The following CADM2 variants were observed in gnomAD, a reference collection of about 807,000 sequenced individuals.
The protein encoded by CADM2 is cell adhesion molecule 2.
A neutral mutation model predicts 49.8 loss-of-function variants in CADM2; 12 were observed. The observed-to-expected ratio is 0.24, with a 90% CI of 0.15 to 0.39. CADM2 has a LOEUF of 0.39. Among genes scored for constraint, CADM2 ranks in the 10% least tolerant of loss-of-function variants. CADM2 has a pLI of 1.00. For missense variants in CADM2, 378 were observed against 492.3 expected (o/e 0.77, Z 2.20); for synonymous variants, 214 against 175.4 (o/e 1.22, Z -1.74).
chr3:85,804,913 C>A (rs994075424), intron 3 of CADM2, among the ~76,000 whole-genome samples: 2 of 152,106 alleles, frequency 1.3e-5, no homozygotes, highest in Non-Finnish European at 2.9e-5. Context: ...AATAAATACA[C>A]CAGTTCTATG....
At chr3:85,316,403 C>T (rs551837460) in intron 1 of CADM2, among the ~76,000 whole-genome samples, 16 of 152,136 alleles carry the variant, frequency 1.1e-4, no homozygotes, top group East Asian at 7.7e-4. Flanking sequence ...GCTTAGTATG[C>T]GGCTGAAATG....
rs1242988084 is a variant in CADM2 at position 85,133,326 on chromosome 3, A to G, written c.61+173658A>G. ...CACATCCTGCTGATTGGTAGAGCCCAGTGGTCTGTTTTGACAGGGCACTGA... is the reference window on the plus strand; with the variant it reads ...CACATCCTGCTGATTGGTAGAGCCCGGTGGTCTGTTTTGACAGGGCACTGA... On this transcript the variant is annotated intron_variant, in intron 1 of 9. Coordinates refer to ENST00000383699, the MANE Select transcript of CADM2 (RefSeq NM_001167675.2). Among the ~76,000 whole-genome samples the G allele has an allele frequency of 2.6e-5, 4 of 152,200 alleles. 1 individual carries two copies. Among genetic ancestry groups the G allele is most frequent in the Non-Finnish European group, 5.9e-5 (4 of 68,032 alleles).
intron 1 of CADM2, among the ~76,000 whole-genome samples, chr3:85,598,040 A>AT: frequency 6.6e-6 from 1 of 152,026 alleles, no homozygotes; most frequent in East Asian, 1.9e-4. Context: ...TTTAGATTAC[A>AT]TCCTAAATCT....
chr3:85,559,680 AC>A (rs201177493), intron 1 of CADM2, among the ~76,000 whole-genome samples: 24,552 of 99,736 alleles, frequency 0.25, 2,156 homozygotes, highest in East Asian at 0.49. Context: ...ACACACACAC[AC>A]ACACACATAT....
chr3:85,879,671 A>T, intron 3 of CADM2, among the ~76,000 whole-genome samples: 1 of 151,996 alleles, frequency 6.6e-6, no homozygotes, highest in East Asian at 1.9e-4. Context: ...TTTTTAATCA[A>T]TTTTTTTGTA....
chr3:85,394,961 C>A (rs1167742708), intron 1 of CADM2, among the ~76,000 whole-genome samples: 1 of 152,142 alleles, frequency 6.6e-6, no homozygotes, highest in African/African-American at 2.4e-5. Context: ...CCATAGTTTT[C>A]TCCTAAAATA....
intron 3 of CADM2, among the ~76,000 whole-genome samples, chr3:85,810,750 C>T (rs978997848): frequency 4.0e-5 from 6 of 151,858 alleles, no homozygotes; most frequent in South Asian, 2.1e-4. Context: ...ATGTTGACCA[C>T]GCTGGTCTCG....
In CADM2 at chr3:85,346,023, A is replaced by C. The variant is rs535528427; in HGVS notation, c.62-380499A>C. 2.6e-5 allele frequency among the ~76,000 whole-genome samples: 4 copies of C among 152,304 alleles called. No individual in the cohort carries two copies. In the South Asian group the frequency reaches 8.3e-4, roughly 32 times the overall value. ...GGAATCTGAATTAAGAGCATATAAG[A>C]GTTTTTTCTACTGGTCTTACAACTT... On this transcript the variant is annotated intron_variant, in intron 1 of 9. Transcript: ENST00000383699.
intron 8 of CADM2, chr3:86,014,765 C>A (rs1230241235): frequency 6.7e-7 from 1 of 1,481,558 alleles, no homozygotes; most frequent in Non-Finnish European, 9.0e-7. Flanking sequence ...CCAAGCTTCA[C>A]TGTTGGAGAA....
chr3:85,823,662 AT>A (rs1175265815), intron 3 of CADM2, among the ~76,000 whole-genome samples: 1 of 152,180 alleles, frequency 6.6e-6, no homozygotes, highest in Non-Finnish European at 1.5e-5. Context: ...TATCACAGAC[AT>A]TTAATTTACG....
intron 1 of CADM2, among the ~76,000 whole-genome samples, chr3:84,988,488 A>T (rs1292166946): frequency 6.6e-6 from 1 of 152,212 alleles, no homozygotes. Flanking sequence ...GATAGCAAAA[A>T]ATCTGTTGTC....
At chr3:85,464,207 A>G (rs1025283349) in intron 1 of CADM2, among the ~76,000 whole-genome samples, 2 of 152,154 alleles carry the variant, frequency 1.3e-5, no homozygotes, top group African/African-American at 4.8e-5. Context: ...ACATGTGTAT[A>G]AAATATAGAT....
chr3:85,620,909 AT>A (rs906721691), intron 1 of CADM2, among the ~76,000 whole-genome samples: 2 of 152,118 alleles, frequency 1.3e-5, no homozygotes, highest in African/African-American at 4.8e-5. Context: ...ATGACAGTCA[AT>A]TTTTTTGGAA....
chr3:85,341,134 A>G (rs1388551823), intron 1 of CADM2, among the ~76,000 whole-genome samples: 1 of 151,582 alleles, frequency 6.6e-6, no homozygotes, highest in Non-Finnish European at 1.5e-5. Flanking sequence ...GTTTGCCAAG[A>G]AAGTGATAAA....
At chr3:84,997,824 C>A (rs754827194) in intron 1 of CADM2, among the ~76,000 whole-genome samples, 1 of 151,924 alleles carries the variant, frequency 6.6e-6, no homozygotes, top group Non-Finnish European at 1.5e-5. Context: ...TGATAATAAT[C>A]CAAGTATCCA....
At chr3:85,526,109 T>C (rs188064463) in intron 1 of CADM2, among the ~76,000 whole-genome samples, 1 of 152,050 alleles carries the variant, frequency 6.6e-6, no homozygotes, top group Admixed American at 6.6e-5. Context: ...GATTTCCTGT[T>C]CCTCTAGTGG....
At chr3:84,972,594 A>C (rs1441079241) in intron 1 of CADM2, among the ~76,000 whole-genome samples, 1 of 152,166 alleles carries the variant, frequency 6.6e-6, no homozygotes, top group African/African-American at 2.4e-5. Context: ...CATTTTTATT[A>C]TTAGGAAGTG....
intron 2 of CADM2, among the ~76,000 whole-genome samples, chr3:85,797,247 GT>G (rs1376688894): frequency 3.3e-5 from 5 of 151,986 alleles, no homozygotes; most frequent in Admixed American, 6.6e-5. Flanking sequence ...AACCATCTGA[GT>G]TTTAGAACTT....
At chr3:85,965,249 C>A (rs1267558543) in intron 8 of CADM2, among the ~76,000 whole-genome samples, 1 of 147,702 alleles carries the variant, frequency 6.8e-6, no homozygotes, top group Non-Finnish European at 1.5e-5. Flanking sequence ...TAACATATAA[C>A]TATTATTTAT....
Sources: allele counts gnomAD v4.1 joint callset (sites outside exome capture counted in the v4.1 genomes callset), GRCh38; gene constraint gnomAD v4.1.1; transcripts MANE v1.5; gene names NCBI Gene and HGNC (gene_info 2026-07-23, HGNC 2026-07-21).